Variants in ATP6V1C2 observed in about 807,000 individuals in gnomAD.
The protein encoded by ATP6V1C2 is ATPase H+ transporting V1 subunit C2, also known as V-type proton ATPase subunit C 2.
In ATP6V1C2, 45 loss-of-function variants were observed where a neutral mutation model predicts 56.8. The observed-to-expected ratio is 0.79, with a 90% CI of 0.62 to 1.02. The LOEUF is 1.02. ATP6V1C2 is among the 50% of genes least tolerant of loss of function. ATP6V1C2 has a pLI of 0.00. For synonymous variants in ATP6V1C2, 220 were observed against 201.3 expected (o/e 1.09, Z -0.79); for missense variants, 463 against 519.7 (o/e 0.89, Z 1.06).
intron 3 of ATP6V1C2, among the ~76,000 whole-genome samples, chr2:10,730,625 T>G (rs1017779451): frequency 1.9e-4 from 22 of 114,388 alleles, no homozygotes; most frequent in African/African-American, 5.3e-4. Flanking sequence ...TTTTTTTTTT[T>G]GAAATGAGAT....
Position 10,784,820 on chromosome 2 carries a change from G to A in ATP6V1C2, c.*1557G>A. 1 of 728,104 alleles carries A rather than the reference G, an allele frequency of 1.4e-6. No individual in the cohort carries two copies. The highest frequency in any genetic ancestry group is 2.6e-5 in the Admixed American group (1 of 38,790). The allele number at this position is 728,104 out of a possible 1,614,324, so 45.1% of individuals were successfully genotyped here. On this transcript the variant is annotated 3_prime_UTR_variant, in exon 14 of 14. Transcript: ENST00000272238. ...GAAGAACCTCTTAAAAGGCCCACGG[G>A]TGCACCAGGGCTGAGGTCTGATGGG...
intron 3 of ATP6V1C2, among the ~76,000 whole-genome samples, chr2:10,745,041 CTTT>C (rs5829274): frequency 1.2e-3 from 139 of 113,322 alleles, no homozygotes; most frequent in African/African-American, 4.1e-3. Flanking sequence ...TATTTATTTT[CTTT>C]TTTTTTTTTT....
intron 3 of ATP6V1C2, among the ~76,000 whole-genome samples, chr2:10,747,197 G>GGT (rs1417182720): frequency 6.6e-6 from 1 of 151,262 alleles, no homozygotes; most frequent in Non-Finnish European, 1.5e-5. Context: ...GAACCCGGGA[G>GGT]GTGGAGGTTG....
intron 3 of ATP6V1C2, among the ~76,000 whole-genome samples, chr2:10,728,774 C>CAA (rs370117201): frequency 1.0e-3 from 74 of 74,206 alleles, no homozygotes; most frequent in South Asian, 1.7e-3. Context: ...CACCCTGTCT[C>CAA]AAAAAAAAAA....
At chr2:10,773,445 C>T (rs939305910) in intron 8 of ATP6V1C2, among the ~76,000 whole-genome samples, 7 of 152,126 alleles carry the variant, frequency 4.6e-5, no homozygotes, top group Non-Finnish European at 7.4e-5. Flanking sequence ...TGCAGTGGCC[C>T]GAGCTCAGCT....
rs1217388719 is a variant in ATP6V1C2 at position 10,783,171 on chromosome 2, TA to T, written c.1195-2del. On this transcript the variant is annotated splice_acceptor_variant, in intron 13 of 13. Coordinates refer to ENST00000272238, the MANE Select transcript of ATP6V1C2 (RefSeq NM_001039362.2). LOFTEE classifies it high-confidence loss of function. The stretch of plus-strand genomic sequence containing the variant: ...TAGAGCATTACCATGTCTTCTTTTG[TA>T]GGCATCTGTGGAGATCCCGGGACTG... 6.2e-7 allele frequency: 1 copy of T among 1,610,060 alleles called. No individual in the cohort carries two copies.
chr2:10,774,840 A>G lies in ATP6V1C2; in HGVS notation c.691A>G (p.Lys231Glu). Residue 231 changes from lysine to glutamate, a missense_variant, in exon 9 of 14, where the codon AAA becomes GAA. By Grantham distance (56) the Lys-to-Glu change is moderately conservative. Transcript: ENST00000272238. ...CCTTTTCACTGTGACTCTGTTTCGA[A>G]AAGTGATTGAAGATTTCAAAACCAA... ...GGLFTVTLFR[K>E]VIEDFKTKAK... The G allele has an allele frequency of 6.2e-7, 1 of 1,614,196 alleles. No homozygotes were observed. Among genetic ancestry groups the G allele is most frequent in the Non-Finnish European group, 8.5e-7 (1 of 1,180,042 alleles).
intron 3 of ATP6V1C2, among the ~76,000 whole-genome samples, chr2:10,749,196 T>G (rs1265203853): frequency 1.4e-5 from 2 of 141,894 alleles, no homozygotes; most frequent in Non-Finnish European, 3.1e-5. Context: ...TATCAACAAA[T>G]AAAATTTTTT....
At chr2:10,725,856 G>A (rs927213361) in intron 2 of ATP6V1C2, among the ~76,000 whole-genome samples, 1 of 151,748 alleles carries the variant, frequency 6.6e-6, no homozygotes. Flanking sequence ...AAGGCAGGCA[G>A]ATCACCTGAA....
At chr2:10,746,794 A>T (rs1298196492) in intron 3 of ATP6V1C2, among the ~76,000 whole-genome samples, 1 of 152,244 alleles carries the variant, frequency 6.6e-6, no homozygotes, top group Admixed American at 6.5e-5. Flanking sequence ...TGGAAATTGC[A>T]GGTCTCCATT....
At chr2:10,721,480 C>T (rs112145761), upstream of ATP6V1C2, among the ~76,000 whole-genome samples, 1 of 152,142 alleles carries the variant, frequency 6.6e-6, no homozygotes, top group Non-Finnish European at 1.5e-5. Flanking sequence ...CTCCTCCGCG[C>T]CTTCCTGCCC....
chr2:10,743,747 G>A (rs994620949), intron 3 of ATP6V1C2, among the ~76,000 whole-genome samples: 14 of 151,852 alleles, frequency 9.2e-5, no homozygotes, highest in Non-Finnish European at 1.6e-4. Context: ...CACTTTGGGA[G>A]GCCGAGGTGG....
chr2:10,754,747 T>C (rs879942590), intron 4 of ATP6V1C2, among the ~76,000 whole-genome samples: 11 of 151,936 alleles, frequency 7.2e-5, no homozygotes, highest in Non-Finnish European at 1.3e-4. Context: ...TAATTTTGTG[T>C]GTGTGTGTTT....
At chr2:10,748,272 G>A (rs796557122) in intron 3 of ATP6V1C2, among the ~76,000 whole-genome samples, 23 of 152,230 alleles carry the variant, frequency 1.5e-4, no homozygotes, top group African/African-American at 5.5e-4. Context: ...ATTTGAACTC[G>A]TGCTGCTTCC....
chr2:10,727,129 GTC>G (rs1661689505), intron 3 of ATP6V1C2, among the ~76,000 whole-genome samples: 1 of 149,656 alleles, frequency 6.7e-6, no homozygotes. Context: ...GAGTACAATG[GTC>G]TGATCGTGGC....
intron 3 of ATP6V1C2, among the ~76,000 whole-genome samples, chr2:10,736,903 T>C (rs1662280680): frequency 6.7e-6 from 1 of 149,038 alleles, no homozygotes; most frequent in Admixed American, 6.8e-5. Context: ...AACACCACCA[T>C]GCACAACTAA....
At position 10,768,718 on chromosome 2, in the gene ATP6V1C2, G is replaced by A. The variant is rs1381635279; in HGVS notation, c.379-1G>A. On this transcript the variant is annotated splice_acceptor_variant, in intron 5 of 13. Coordinates refer to ENST00000272238, the MANE Select transcript of ATP6V1C2 (RefSeq NM_001039362.2). LOFTEE classifies it high-confidence loss of function. Reference sequence around the variant, plus strand: ...CTGGAGCTTTTGCTTTCCCAAAACAGCAACTGGCGCAGATCGAGATGGACC... The same window carrying A: ...CTGGAGCTTTTGCTTTCCCAAAACAACAACTGGCGCAGATCGAGATGGACC... 1 of 1,613,902 alleles carries A rather than the reference G, an allele frequency of 6.2e-7. No homozygotes were observed. Among genetic ancestry groups the A allele is most frequent in the Non-Finnish European group, 8.5e-7 (1 of 1,179,958 alleles).
chr2:10,739,582 T>A (rs981318630), intron 3 of ATP6V1C2, among the ~76,000 whole-genome samples: 1 of 151,920 alleles, frequency 6.6e-6, no homozygotes, highest in African/African-American at 2.4e-5. Context: ...ATCGACCCGA[T>A]CCCAGAAGAC....
chr2:10,782,645 A>G (rs1334120923), intron 13 of ATP6V1C2, among the ~76,000 whole-genome samples: 1 of 152,022 alleles, frequency 6.6e-6, no homozygotes, highest in Non-Finnish European at 1.5e-5. Flanking sequence ...AACCTGGCCA[A>G]CATGGTGAAA....
Sources: allele counts gnomAD v4.1 joint callset (sites outside exome capture counted in the v4.1 genomes callset), GRCh38; gene constraint gnomAD v4.1.1; transcripts MANE v1.5; gene names NCBI Gene and HGNC (gene_info 2026-07-23, HGNC 2026-07-21).